DIS3L2: variants seen among roughly 807,000 people sequenced by gnomAD.
DIS3L2 encodes the protein DIS3 like 3'-5' exoribonuclease 2, also known as DIS3-like exonuclease 2.
Under a neutral mutation model 97.5 loss-of-function variants are expected in DIS3L2, and 34 were observed. The ratio of observed to expected loss-of-function variants is 0.35; its 90% CI spans 0.27 to 0.46. The LOEUF (loss-of-function observed/expected upper bound fraction) is 0.46, where lower values mean the gene tolerates loss of function less well. Among genes scored for constraint, DIS3L2 ranks in the 20% least tolerant of loss-of-function variants. The pLI is 1.00. For missense variants in DIS3L2, 1,038 were observed against 1,146.0 expected, an observed-to-expected ratio of 0.91 and a Z score of 1.36; for synonymous variants, 435 against 445.2, an observed-to-expected ratio of 0.98 and a Z score of 0.29.
intron 14 of DIS3L2, among the ~76,000 whole-genome samples, chr2:232,323,377 C>T (rs1253560784): frequency 1.3e-5 from 2 of 152,346 alleles, no homozygotes; most frequent in South Asian, 2.1e-4. Flanking sequence ...CTCCCCATTA[C>T]GGCCACTGGG....
chr2:232,219,879 A>G (rs1377462746), intron 10 of DIS3L2, among the ~76,000 whole-genome samples: 4 of 152,158 alleles, frequency 2.6e-5, no homozygotes, highest in African/African-American at 9.7e-5. Flanking sequence ...AATGAACCCT[A>G]ACATGGTAGT....
chr2:231,979,574 G>T (rs1047232831), intron 1 of DIS3L2, among the ~76,000 whole-genome samples: 2 of 151,664 alleles, frequency 1.3e-5, no homozygotes, highest in South Asian at 4.2e-4. Context: ...ACGGAGTCAG[G>T]TATTTATTTA....
intron 9 of DIS3L2, among the ~76,000 whole-genome samples, chr2:232,207,906 T>A (rs1188537120): frequency 6.6e-6 from 1 of 152,196 alleles, no homozygotes; most frequent in African/African-American, 2.4e-5. Context: ...TAGTTTTGAT[T>A]TTTTCCATTT....
chr2:232,168,705 G>C (rs1690895866), intron 9 of DIS3L2, among the ~76,000 whole-genome samples: 1 of 152,116 alleles, frequency 6.6e-6, no homozygotes, highest in South Asian at 2.1e-4. Context: ...CACATAGTGA[G>C]GGTGCCAGGG....
Position 232,330,076 on chromosome 2 carries a change from G to A in DIS3L2, c.1923+80G>A. 5 of 1,493,666 alleles carry A rather than the reference G, an allele frequency of 3.3e-6. No individual in the cohort carries two copies. The South Asian group carries it at 5.3e-5, about 16-fold the overall frequency. 92.5% of individuals were successfully genotyped at this position (1,493,666 alleles called of 1,614,324 possible). ...ACCTGGAAGGTGGGGTGGTCCAGCG[G>A]CCTCTGCTTCCCCCCAGAGTCCCTC... On this transcript the variant is annotated intron_variant, in intron 15 of 20. Coordinates refer to ENST00000325385, the MANE Select transcript of DIS3L2 (RefSeq NM_152383.5).
intron 14 of DIS3L2, among the ~76,000 whole-genome samples, chr2:232,321,190 C>T (rs950710705): frequency 2.0e-5 from 3 of 152,120 alleles, no homozygotes; most frequent in African/African-American, 7.2e-5. Context: ...CAAAAGCCTG[C>T]GGGGGGCCAG....
At chr2:231,997,214 C>A (rs1161763757) in intron 1 of DIS3L2, among the ~76,000 whole-genome samples, 5 of 152,234 alleles carry the variant, frequency 3.3e-5, no homozygotes, top group African/African-American at 1.2e-4. Context: ...ACCATTATCT[C>A]TTCCTACAAC....
chr2:232,334,206 G>C (rs1336717003), intron 17 of DIS3L2, among the ~76,000 whole-genome samples, 163 bp from the exon 18 acceptor site: 2 of 152,218 alleles, frequency 1.3e-5, no homozygotes, highest in Non-Finnish European at 2.9e-5. Flanking sequence ...ACAGCCGGGA[G>C]GAGGGCGCTG....
intron 1 of DIS3L2, among the ~76,000 whole-genome samples, chr2:231,979,711 G>A (rs1368752320): frequency 6.6e-6 from 1 of 151,960 alleles, no homozygotes; most frequent in Non-Finnish European, 1.5e-5. Flanking sequence ...CTGAGTAGCT[G>A]GGATTACAGG....
chr2:231,971,845 T>G (rs1440958858), intron 1 of DIS3L2, among the ~76,000 whole-genome samples: 1 of 147,392 alleles, frequency 6.8e-6, no homozygotes, highest in Non-Finnish European at 1.5e-5. Flanking sequence ...CCTCCCAAAG[T>G]GCTGGGATTA....
intron 5 of DIS3L2, among the ~76,000 whole-genome samples, chr2:232,075,340 T>C (rs1696153223): frequency 6.6e-6 from 1 of 152,238 alleles, no homozygotes; most frequent in African/African-American, 2.4e-5. Context: ...GATTGTGCAA[T>C]AGAATGTGAA....
chr2:232,300,133 T>A lies in DIS3L2; in HGVS notation c.1739+14T>A. On this transcript the variant is annotated intron_variant, in intron 14 of 20. Coordinates refer to ENST00000325385, the MANE Select transcript of DIS3L2 (RefSeq NM_152383.5). ...CGAGAGCAACAAGTAAGCCACTCAG[T>A]GGGAAAGAGTGTCACTTCACATGTG... 1 of 1,611,840 alleles carries A rather than the reference T, an allele frequency of 6.2e-7. No individual in the cohort carries two copies.
chr2:232,329,785 T>TGCCCGGGGGGCCCCCCCCCCC, intron 14 of DIS3L2, 28 bp from the exon 15 acceptor site: 1 of 967,144 alleles, frequency 1.0e-6, no homozygotes, highest in Non-Finnish European at 1.5e-6. Context: ...ACCCCAGCGG[T>TGCCCGGGGGGCCCCCCCCCCC]CCCTCCCATC....
At chr2:232,285,252 G>T (rs1694396081) in intron 13 of DIS3L2, among the ~76,000 whole-genome samples, 2 of 152,166 alleles carry the variant, frequency 1.3e-5, no homozygotes, top group Non-Finnish European at 2.9e-5. Flanking sequence ...ACAACTGGGG[G>T]CAGGTTCATT....
chr2:232,154,960 G>C (rs1574912811), intron 8 of DIS3L2, among the ~76,000 whole-genome samples: 1 of 132,256 alleles, frequency 7.6e-6, no homozygotes, highest in Non-Finnish European at 1.6e-5. Context: ...GGAGTGACCC[G>C]ATTTTCCAGG....
chr2:232,028,089 C>T (rs1171272419), intron 4 of DIS3L2, among the ~76,000 whole-genome samples: 1 of 152,160 alleles, frequency 6.6e-6, no homozygotes, highest in Non-Finnish European at 1.5e-5. Flanking sequence ...ACTGTTCCAT[C>T]AATGAAGGAT....
At chr2:232,334,183 G>A (rs1469841033) in intron 17 of DIS3L2, among the ~76,000 whole-genome samples, 186 bp from the exon 18 acceptor site, 3 of 152,180 alleles carry the variant, frequency 2.0e-5, no homozygotes, top group Non-Finnish European at 4.4e-5. Flanking sequence ...GGAGCCCACA[G>A]CCAGCCCTGG....
downstream of DIS3L2, among the ~76,000 whole-genome samples, chr2:232,338,696 G>A (rs190826063): frequency 0.11 from 17,258 of 151,386 alleles, 348 homozygotes; most frequent in African/African-American, 0.25. Context: ...ACCGAGCCCC[G>A]CGTCTGCATT....
At chr2:232,284,016 T>A (rs1694364448) in intron 13 of DIS3L2, among the ~76,000 whole-genome samples, 1 of 152,180 alleles carries the variant, frequency 6.6e-6, no homozygotes, top group Non-Finnish European at 1.5e-5. Flanking sequence ...CTATACTACC[T>A]TTGCAATTTC....
Sources: gnomAD v4.1 joint callset for allele counts (sites outside exome capture counted in the v4.1 genomes callset) on GRCh38, gnomAD v4.1.1 for gene constraint, MANE v1.5 for transcripts, NCBI Gene and HGNC (gene_info 2026-07-23, HGNC 2026-07-21) for gene names.